The following CRACR2A variants were observed in gnomAD, a reference collection of about 807,000 sequenced individuals.
CRACR2A encodes the protein calcium release activated channel regulator 2A.
Under a neutral mutation model 90.5 loss-of-function variants are expected in CRACR2A, and 79 were observed. The observed-to-expected ratio is 0.87, with a 90% CI of 0.73 to 1.05. CRACR2A has a LOEUF of 1.05. Among genes scored for constraint, CRACR2A ranks in the 50% least tolerant of loss-of-function variants. The pLI is 0.00. For synonymous variants in CRACR2A, 338 were observed against 356.7 expected (o/e 0.95, Z 0.59); for missense variants, 823 against 897.2 (o/e 0.92, Z 1.06).
intron 4 of CRACR2A, among the ~76,000 whole-genome samples, chr12:3,691,351 C>T (rs1365569177): frequency 6.6e-6 from 1 of 152,118 alleles, no homozygotes; most frequent in Non-Finnish European, 1.5e-5. Flanking sequence ...TAACAAATTC[C>T]CTCAGGATTT....
rs144274217 is a variant in CRACR2A at position 3,673,464 on chromosome 12, A to T, written c.653T>A (p.Leu218Gln). The T allele has an allele frequency of 1.4e-3, 2,180 of 1,613,884 alleles. 19 individuals carry two copies. The Middle Eastern group carries it at 0.014, about 10-fold the overall frequency. The change falls in exon 7 of 20, where the codon CTG (leucine) becomes CAG (glutamine). Residue 218 changes from leucine (L) to glutamine (Q), a missense_variant. Leu to Gln is a moderately radical substitution (Grantham distance 113). Coordinates refer to ENST00000440314, the MANE Select transcript of CRACR2A (RefSeq NM_001144958.2). ...LQEAHEEKNE[L>Q]ECALKRKIAA... ...TACCCACCTTTTTAGGGCACACTCC[A>T]GTTCATTCTTCTCCTCATGGGCTTC... is the stretch of plus-strand genomic sequence containing the variant.
chr12:3,734,717 G>A (rs1376283965), intron 1 of CRACR2A, among the ~76,000 whole-genome samples: 1 of 152,066 alleles, frequency 6.6e-6, no homozygotes, highest in Non-Finnish European at 1.5e-5. Flanking sequence ...TGCGACAGCA[G>A]GGGTGAACCT....
At chr12:3,682,733 C>T (rs956383544) in intron 4 of CRACR2A, among the ~76,000 whole-genome samples, 7 of 152,118 alleles carry the variant, frequency 4.6e-5, no homozygotes, top group Middle Eastern at 3.4e-3. Flanking sequence ...CACAGAAAAC[C>T]AGCTTATTCT....
In CRACR2A at chr12:3,746,812, G is replaced by A. The variant is rs1232170598; in HGVS notation, c.-387+6203C>T. On this transcript the variant is annotated intron_variant, in intron 1 of 19. Transcript: ENST00000440314. The surrounding 1 kb of genome is among the most constrained non-coding windows in gnomAD (Gnocchi z 4.4). ...CAACAAGTTGTGAAGGACCAACAAG[G>A]GGAGGAGTACATCTCAACAAGTTGG... 6.6e-6 allele frequency among the ~76,000 whole-genome samples: 1 copy of A among 152,152 alleles called. No homozygotes were observed. Among genetic ancestry groups the A allele is most frequent in the Non-Finnish European group, 1.5e-5 (1 of 68,008 alleles).
chr12:3,712,394 A>G (rs1351083493), intron 3 of CRACR2A, among the ~76,000 whole-genome samples: 3 of 152,212 alleles, frequency 2.0e-5, no homozygotes, highest in Admixed American at 2.0e-4. Context: ...CTGCTTGGTT[A>G]CTGGGGAAGC....
chr12:3,648,194 C>T (rs2137424002), intron 11 of CRACR2A: 1 of 1,129,476 alleles, frequency 8.9e-7, no homozygotes, highest in Non-Finnish European at 1.1e-6. Context: ...GTTTTGCTGA[C>T]AATGAACGAG....
At chr12:3,731,379 G>C (rs76461478) in intron 2 of CRACR2A, 13 of 152,342 alleles carry the variant, frequency 8.5e-5, no homozygotes, top group Admixed American at 8.5e-4. Context: ...TGTCCCACTT[G>C]TCCCATACAA....
At position 3,746,884 on chromosome 12, in the gene CRACR2A, C is replaced by A. The variant is rs1009135587; in HGVS notation, c.-387+6131G>T. 6.6e-6 allele frequency among the ~76,000 whole-genome samples: 1 copy of A among 152,220 alleles called. No homozygotes were observed. The highest frequency in any genetic ancestry group is 2.4e-5 in the African/African-American group (1 of 41,460). On this transcript the variant is annotated intron_variant, in intron 1 of 19. Coordinates refer to ENST00000440314, the MANE Select transcript of CRACR2A (RefSeq NM_001144958.2). This position sits in a 1 kb window ranked among gnomAD's most constrained non-coding sequence, Gnocchi z 4.4. ...AGGAGTACACCCTTAGCATGGAACT[C>A]AACCACAAGCTCTCAAAACAGGTAA... is the stretch of plus-strand genomic sequence containing the variant.
intron 7 of CRACR2A, chr12:3,672,639 G>A (rs991816011): frequency 1.0e-5 from 5 of 499,918 alleles, no homozygotes; most frequent in South Asian, 8.6e-5. Context: ...GTTTGTTAAA[G>A]GACTATGAAC....
At chr12:3,626,943 C>T (rs1017455050) in intron 17 of CRACR2A, among the ~76,000 whole-genome samples, 1 of 152,174 alleles carries the variant, frequency 6.6e-6, no homozygotes, top group Non-Finnish European at 1.5e-5. Flanking sequence ...GTGTGAAGAG[C>T]TGTGACAGAG....
At chr12:3,679,708 T>C (rs1300437259) in intron 5 of CRACR2A, among the ~76,000 whole-genome samples, 1 of 152,230 alleles carries the variant, frequency 6.6e-6, no homozygotes, top group Non-Finnish European at 1.5e-5. Flanking sequence ...GATAGGATAG[T>C]GTGTCTGGTT....
intron 1 of CRACR2A, among the ~76,000 whole-genome samples, chr12:3,737,179 T>C (rs1443079876): frequency 1.3e-5 from 2 of 152,114 alleles, no homozygotes; most frequent in Non-Finnish European, 2.9e-5. Flanking sequence ...TACATTTCTG[T>C]TGGGTCCACG....
intron 7 of CRACR2A, among the ~76,000 whole-genome samples, chr12:3,663,481 T>C (rs1489857023): frequency 6.6e-6 from 1 of 152,232 alleles, no homozygotes; most frequent in East Asian, 1.9e-4. Context: ...CTTACTCTTC[T>C]TCTGCATAAA....
At chr12:3,651,712 T>A (rs1944797707) in intron 10 of CRACR2A, among the ~76,000 whole-genome samples, 1 of 152,148 alleles carries the variant, frequency 6.6e-6, no homozygotes, top group African/African-American at 2.4e-5. Flanking sequence ...TGCTCTGCAG[T>A]AGCACGGGGC....
At chr12:3,626,528 T>C (rs997587638) in intron 17 of CRACR2A, among the ~76,000 whole-genome samples, 2 of 152,228 alleles carry the variant, frequency 1.3e-5, no homozygotes, top group African/African-American at 2.4e-5. Context: ...ATAAGCTTCA[T>C]GAGGGCAGGA....
chr12:3,723,502 G>T (rs1283970143), intron 2 of CRACR2A, among the ~76,000 whole-genome samples: 1 of 152,060 alleles, frequency 6.6e-6, no homozygotes, highest in Non-Finnish European at 1.5e-5. Flanking sequence ...TGCTCAACTG[G>T]AAACGTTTTC....
rs1281880892 is a variant in CRACR2A at position 3,746,802 on chromosome 12, G to T, written c.-387+6213C>A. ...AAGACAAGCACAACAAGTTGTGAAG[G>T]ACCAACAAGGGGAGGAGTACATCTC... is the stretch of plus-strand genomic sequence containing the variant. On this transcript the variant is annotated intron_variant, in intron 1 of 19. Coordinates refer to ENST00000440314, the MANE Select transcript of CRACR2A (RefSeq NM_001144958.2). The surrounding 1 kb of genome is among the most constrained non-coding windows in gnomAD (Gnocchi z 4.4). Among the ~76,000 whole-genome samples the T allele has an allele frequency of 6.6e-6, 1 of 152,156 alleles. No homozygotes were observed. Among genetic ancestry groups the T allele is most frequent in the Non-Finnish European group, 1.5e-5 (1 of 68,004 alleles).
intron 8 of CRACR2A, 31 bp from the exon 9 acceptor site, chr12:3,656,437 C>T: frequency 1.2e-6 from 2 of 1,605,788 alleles, no homozygotes; most frequent in Non-Finnish European, 1.7e-6. Context: ...ACACACAGGA[C>T]CCAAATGTAG....
At chr12:3,718,854 T>A (rs935251067) in intron 2 of CRACR2A, among the ~76,000 whole-genome samples, 1 of 152,170 alleles carries the variant, frequency 6.6e-6, no homozygotes, top group African/African-American at 2.4e-5. Flanking sequence ...AGCACCTGAA[T>A]GGATGAGTGA....
Sources: gnomAD v4.1 joint callset for allele counts (sites outside exome capture counted in the v4.1 genomes callset) on GRCh38, gnomAD v4.1.1 for gene constraint, Gnocchi (gnomAD v3.1) non-coding constraint, MANE v1.5 for transcripts, NCBI Gene and HGNC (gene_info 2026-07-23, HGNC 2026-07-21) for gene names.